The following ATP5F1A variants were observed in gnomAD, a reference collection of about 807,000 sequenced individuals.
ATP5F1A encodes ATP synthase F1 subunit alpha.
ATP5F1A carries 24 observed loss-of-function variants against 57.4 expected under a neutral mutation model. The ratio of observed to expected loss-of-function variants is 0.42; its 90% CI spans 0.30 to 0.59. The LOEUF (loss-of-function observed/expected upper bound fraction) is 0.59, where lower values mean the gene tolerates loss of function less well. Ranked by LOEUF, ATP5F1A falls within the 20% of genes least tolerant of loss-of-function variation. ATP5F1A has a pLI of 0.19. For missense variants in ATP5F1A, 494 were observed against 707.9 expected (o/e 0.70, Z 3.43); for synonymous variants, 251 against 255.5 (o/e 0.98, Z 0.17).
At chr18:46,089,404 G>A (rs1910378019) in intron 5 of ATP5F1A, 162 bp downstream of exon 5, 3 of 785,318 alleles carry the variant, frequency 3.8e-6, no homozygotes, top group East Asian at 2.7e-5. Flanking sequence ...ACCCACAGGT[G>A]TGGAGGGGCT....
chr18:46,090,091 G>C, intron 3 of ATP5F1A, 95 bp from the exon 4 acceptor site: 1 of 605,156 alleles, frequency 1.7e-6, no homozygotes, highest in South Asian at 2.6e-5. Context: ...GGGGTGGGGG[G>C]GGAAGCAGTA....
intron 5 of ATP5F1A, among the ~76,000 whole-genome samples, chr18:46,089,098 CGAGATAGTA>C (rs1198093645): frequency 1.3e-5 from 2 of 151,902 alleles, no homozygotes; most frequent in South Asian, 2.1e-4. Context: ...TCCCCCACAC[CGAGATAGTA>C]GAGATAGTGA....
intron 10 of ATP5F1A, 53 bp downstream of exon 10, chr18:46,086,060 A>T: frequency 6.3e-7 from 1 of 1,583,914 alleles, no homozygotes; most frequent in African/African-American, 1.3e-5. Flanking sequence ...TAGGCCTGGG[A>T]AGACCCTGAT....
intron 1 of ATP5F1A, among the ~76,000 whole-genome samples, chr18:46,097,571 G>C (rs556843974): frequency 2.0e-5 from 3 of 152,256 alleles, no homozygotes; most frequent in East Asian, 3.9e-4. Flanking sequence ...CACAGTGCTG[G>C]CCACATGAAA....
chr18:46,097,868 C>G (rs1169841853), intron 1 of ATP5F1A: 1 of 1,192,908 alleles, frequency 8.4e-7, no homozygotes, highest in Non-Finnish European at 1.0e-6. Context: ...AGCTAGCGCC[C>G]AAGCCCTGAC....
chr18:46,095,372 A>G (rs1045017846), intron 1 of ATP5F1A, among the ~76,000 whole-genome samples: 2 of 152,102 alleles, frequency 1.3e-5, no homozygotes, highest in African/African-American at 4.8e-5. Flanking sequence ...GTACTTTATT[A>G]TTATTGTTTT....
chr18:46,094,124 A>G (rs1014179049), intron 2 of ATP5F1A, among the ~76,000 whole-genome samples: 1 of 151,852 alleles, frequency 6.6e-6, no homozygotes, highest in Non-Finnish European at 1.5e-5. Context: ...AAAAGAAAAA[A>G]GAAAAACATA....
chr18:46,088,163 T>C lies in ATP5F1A; in HGVS notation c.745A>G (p.Ile249Val), dbSNP rs376514057. The C allele has an allele frequency of 4.1e-5, 66 of 1,605,202 alleles. No homozygotes were observed. Among genetic ancestry groups the C allele is most frequent in the East Asian group, 6.7e-5 (3 of 44,758 alleles). ...KKKLYCIYVA[I>V]GQKRSTVAQL... ...GCAACAGTGGATCTCTTTTGACCAATAGCAACATAAATACAGTACAGCTTC... is the reference window on the plus strand; with the variant it reads ...GCAACAGTGGATCTCTTTTGACCAACAGCAACATAAATACAGTACAGCTTC... Residue 249 changes from isoleucine (I) to valine (V), a missense_variant, in exon 6 of 12, where the codon ATT (isoleucine) becomes GTT (valine). By Grantham distance (29) the Ile-to-Val change is conservative (BLOSUM62 3). Transcript: ENST00000398752.
chr18:46,095,275 T>C, intron 1 of ATP5F1A, 144 bp from the exon 2 acceptor site: 1 of 713,098 alleles, frequency 1.4e-6, no homozygotes, highest in Non-Finnish European at 2.3e-6. Context: ...AAATGTCAAA[T>C]GGGAAAGTAG....
intron 1 of ATP5F1A, among the ~76,000 whole-genome samples, chr18:46,097,589 T>C (rs748735956): frequency 6.6e-6 from 1 of 152,148 alleles, no homozygotes; most frequent in African/African-American, 2.4e-5. Flanking sequence ...AAATGGTTCT[T>C]TGCACCTGCA....
intron 2 of ATP5F1A, among the ~76,000 whole-genome samples, chr18:46,092,826 G>A (rs1472400407): frequency 6.6e-6 from 1 of 151,938 alleles, no homozygotes; most frequent in Non-Finnish European, 1.5e-5. Context: ...CTGAATTTTT[G>A]GCTAAATTCA....
Position 46,087,383 on chromosome 18 carries a change from A to G in ATP5F1A, c.909T>C (p.Asn303=), listed in dbSNP as rs538222501. The part of the protein sequence containing the change: ...GCSMGEYFRD[N]GKHALIIYDD... ...CATAGATGATCAAAGCATGTTTGCC[A>G]TTGTCTCTAAAATACTCTCCCATGG... The change falls in exon 7 of 12, where the codon AAT becomes AAC. Residue 303 remains asparagine (N), a synonymous_variant. Transcript: ENST00000398752. 7.4e-6 allele frequency: 12 copies of G among 1,614,180 alleles called. No homozygotes were observed. The African/African-American group carries it at 1.1e-4, about 14-fold the overall frequency.
intron 2 of ATP5F1A, chr18:46,093,169 T>A (rs1222806625): frequency 3.3e-5 from 5 of 151,914 alleles, no homozygotes; most frequent in Non-Finnish European, 5.9e-5. Context: ...AAATAAAAAA[T>A]AAAAATCAAC....
rs959714723 is a variant in ATP5F1A at position 46,081,631 on chromosome 18, T to A, written c.*2651A>T. ...GTGAGCCGAGATCGTGCCATTGCAC[T>A]CCAGCCTGGGCAACAAGAGCAAAAC... On this transcript the variant is annotated 3_prime_UTR_variant, in exon 12 of 12. Transcript: ENST00000398752. 8.4e-6 allele frequency: 1 copy of A among 119,538 alleles called. No homozygotes were observed. The highest frequency in any genetic ancestry group is 1.6e-5 in the Non-Finnish European group (1 of 63,118). 7.4% of individuals were successfully genotyped at this position (119,538 alleles called of 1,614,324 possible).
intron 5 of ATP5F1A, 50 bp downstream of exon 5, chr18:46,089,516 C>G: frequency 6.2e-7 from 1 of 1,601,026 alleles, no homozygotes; most frequent in Middle Eastern, 1.8e-4. Flanking sequence ...TATAATCCTT[C>G]CATTGAGCAA....
At chr18:46,086,952 T>C (rs1910145750) in intron 8 of ATP5F1A, 56 bp downstream of exon 8, 9 of 1,561,168 alleles carry the variant, frequency 5.8e-6, no homozygotes, top group Non-Finnish European at 7.9e-6. Flanking sequence ...TCTCAACCAA[T>C]GCCTTAGAAT....
In ATP5F1A at chr18:46,081,258, TG is replaced by T. The variant is rs897311654; in HGVS notation, c.*3023del. The T allele has an allele frequency of 2.0e-5, 3 of 148,822 alleles. No homozygotes were observed. The highest frequency in any genetic ancestry group is 7.5e-5 in the African/African-American group (3 of 40,250). 9.2% of individuals were successfully genotyped at this position (148,822 alleles called of 1,614,324 possible). On this transcript the variant is annotated 3_prime_UTR_variant, in exon 12 of 12. Coordinates refer to ENST00000398752, the MANE Select transcript of ATP5F1A (RefSeq NM_004046.6). ...TTATTGAGCATTTACGTGCCAGGAGTGGGCTACGAGATCCAGTCAACAAACA... is the reference window on the plus strand; with the variant it reads ...TTATTGAGCATTTACGTGCCAGGAGTGGCTACGAGATCCAGTCAACAAACA...
chr18:46,102,123 G>C (rs79982269), upstream of ATP5F1A, among the ~76,000 whole-genome samples: 1 of 149,920 alleles, frequency 6.7e-6, no homozygotes, highest in African/African-American at 2.5e-5. Flanking sequence ...GCAGTAAGCC[G>C]AGATTGCTCA....
rs573547727 is a variant in ATP5F1A, at chr18:46,091,831, T to A, written c.160A>T (p.Ile54Phe). 9.9e-6 allele frequency: 16 copies of A among 1,613,090 alleles called. No homozygotes were observed. The South Asian group carries it at 1.4e-4, about 14-fold the overall frequency. ...GCTCCAAGAATACGCTCTTCAAGAA[T>A]AGAGGACATCTCAGCAGTCCCTATG... Reference protein sequence around the residue: ...QKTGTAEMSSILEERILGADT... With the variant: ...QKTGTAEMSSFLEERILGADT... The change falls in exon 3 of 12, where the codon ATT becomes TTT. Residue 54 changes from isoleucine (I) to phenylalanine (F), a missense_variant. Physicochemically the swap from Ile to Phe is conservative, Grantham distance 21 (BLOSUM62 0). Coordinates refer to ENST00000398752, the MANE Select transcript of ATP5F1A (RefSeq NM_004046.6).
Sources: gnomAD v4.1 joint callset for allele counts (sites outside exome capture counted in the v4.1 genomes callset) on GRCh38, gnomAD v4.1.1 for gene constraint, MANE v1.5 for transcripts, NCBI Gene and HGNC (gene_info 2026-07-23, HGNC 2026-07-21) for gene names.